Variants in TMEM161B observed in about 807,000 individuals in gnomAD.
TMEM161B encodes the protein transmembrane protein 161B.
TMEM161B carries 34 observed loss-of-function variants against 61.8 expected under a neutral mutation model. The observed-to-expected ratio is 0.55, with a 90% CI of 0.42 to 0.73. TMEM161B has a LOEUF of 0.73. TMEM161B is among the 30% of genes least tolerant of loss of function. TMEM161B has a pLI of 0.00. For synonymous variants in TMEM161B, 167 were observed against 192.8 expected (o/e 0.87, Z 1.11); for missense variants, 456 against 558.5 (o/e 0.82, Z 1.85).
At chr5:88,257,551 C>T (rs1392254724) in intron 1 of TMEM161B, among the ~76,000 whole-genome samples, 1 of 152,178 alleles carries the variant, frequency 6.6e-6, no homozygotes, top group African/African-American at 2.4e-5. Flanking sequence ...AAAGCTCTCC[C>T]TGGGATTCTT....
At position 88,225,794 on chromosome 5, in the gene TMEM161B, CTT is replaced by C; in HGVS notation, c.262_263del (p.Lys88ValfsTer34). On this transcript the variant is annotated frameshift_variant, in exon 4 of 12. Coordinates refer to ENST00000296595, the MANE Select transcript of TMEM161B (RefSeq NM_153354.5). LOFTEE classifies it high-confidence loss of function. The part of the protein sequence containing the change: ...PKDIDLHLET[K>X]SVTEVDTLAL... Reference sequence around the variant, plus strand: ...CTAAAGTATCCACTTCTGTAACTGACTTTGTTTCTAGATGAAGGTCAATATCC... The same window carrying C: ...CTAAAGTATCCACTTCTGTAACTGACTGTTTCTAGATGAAGGTCAATATCC... The C allele has an allele frequency of 6.2e-7, 1 of 1,610,470 alleles. No homozygotes were observed. Among genetic ancestry groups the C allele is most frequent in the South Asian group, 1.1e-5 (1 of 90,722 alleles).
At chr5:88,211,195 C>A (rs1287034785) in intron 5 of TMEM161B, among the ~76,000 whole-genome samples, 1 of 151,058 alleles carries the variant, frequency 6.6e-6, no homozygotes, top group Non-Finnish European at 1.5e-5. Flanking sequence ...AAAGTAACTT[C>A]AAGAAAAAAA....
At chr5:88,225,189 G>T (rs886946434) in intron 4 of TMEM161B, among the ~76,000 whole-genome samples, 11 of 151,974 alleles carry the variant, frequency 7.2e-5, no homozygotes, top group Middle Eastern at 6.8e-3. Flanking sequence ...GGATGGTCTC[G>T]ATCTCCTGAC....
intron 9 of TMEM161B, chr5:88,200,036 G>A (rs1204422694): frequency 1.3e-5 from 2 of 151,364 alleles, no homozygotes; most frequent in Non-Finnish European, 2.9e-5. Context: ...GGGTCTCCCT[G>A]AAATTCTTAA....
intron 2 of TMEM161B, among the ~76,000 whole-genome samples, chr5:88,232,699 G>A (rs1273293264): frequency 2.6e-5 from 4 of 151,932 alleles, no homozygotes; most frequent in East Asian, 3.9e-4. Context: ...TCAGCCTCCC[G>A]AGTACCTAGG....
intron 5 of TMEM161B, among the ~76,000 whole-genome samples, chr5:88,219,954 T>G (rs1486965203): frequency 6.6e-6 from 1 of 151,926 alleles, no homozygotes; most frequent in Non-Finnish European, 1.5e-5. Context: ...TGCTGGAAGT[T>G]TAGAAAACTG....
At chr5:88,216,667 T>A (rs971417299) in intron 5 of TMEM161B, among the ~76,000 whole-genome samples, 2 of 152,244 alleles carry the variant, frequency 1.3e-5, no homozygotes, top group Non-Finnish European at 2.9e-5. Flanking sequence ...TACCTGGTGA[T>A]GAACTGTCAA....
Position 88,227,885 on chromosome 5 carries a change from T to C in TMEM161B, c.191+560A>G, listed in dbSNP as rs144207638. 3.8e-3 allele frequency among the ~76,000 whole-genome samples: 579 copies of C among 152,306 alleles called. 5 individuals are homozygous for C. Among genetic ancestry groups the C allele is most frequent in the Middle Eastern group, 0.02 (6 of 294 alleles). Reference sequence around the variant, plus strand: ...AAAGCTGGAAGGATTATTCAAAACATTGTTTTGTTTACTCTGTCCAAGTCA... The same window carrying C: ...AAAGCTGGAAGGATTATTCAAAACACTGTTTTGTTTACTCTGTCCAAGTCA... On this transcript the variant is annotated intron_variant, in intron 3 of 11. Transcript: ENST00000296595.
rs764129755 is a variant in TMEM161B at position 88,258,320 on chromosome 5, C to T, written c.3+10401G>A. Among the ~76,000 whole-genome samples, 8 of 152,074 alleles carry T rather than the reference C, an allele frequency of 5.3e-5. No homozygotes were observed. The East Asian group carries it at 9.6e-4, about 18-fold the overall frequency. ...TAAGAAAAGACTGCTATATTCGACA[C>T]GCAATATCCTACCCAAACAACTAAA... On this transcript the variant is annotated intron_variant, in intron 1 of 11. Coordinates refer to ENST00000296595, the MANE Select transcript of TMEM161B (RefSeq NM_153354.5).
In TMEM161B at chr5:88,212,289, G is replaced by A. The variant is rs767920372; in HGVS notation, c.447-5109C>T. 4.6e-5 allele frequency among the ~76,000 whole-genome samples: 7 copies of A among 152,118 alleles called. No individual in the cohort carries two copies. In the South Asian group the frequency reaches 8.3e-4, roughly 18 times the overall value. The stretch of plus-strand genomic sequence containing the variant: ...AAATAGTTACCTACCCCACATTCAT[G>A]CTTTAGCAGAAAGCGCCACCAAAAC... On this transcript the variant is annotated intron_variant, in intron 5 of 11. Transcript: ENST00000296595.
At chr5:88,198,029 A>T (rs1749995612) in intron 10 of TMEM161B, 1 of 256,368 alleles carries the variant, frequency 3.9e-6, no homozygotes, top group Non-Finnish European at 7.4e-6. Context: ...TATTGGAGAA[A>T]ATAATGACTA....
intron 9 of TMEM161B, chr5:88,201,963 G>A (rs976450782): frequency 2.4e-5 from 8 of 328,466 alleles, no homozygotes; most frequent in Admixed American, 3.4e-5. Context: ...GGTACACTGC[G>A]GAGTCAATGA....
Position 88,196,146 on chromosome 5 carries a change from C to T in TMEM161B, c.*65G>A, listed in dbSNP as rs1295233694. ...TTGCTTTCTTCTGGTTTTCATCAGC[C>T]CTTTAAGGGCACAGATATTTTAATT... is the stretch of plus-strand genomic sequence containing the variant. On this transcript the variant is annotated 3_prime_UTR_variant, in exon 12 of 12. Transcript: ENST00000296595. 2 of 1,520,918 alleles carry T rather than the reference C, an allele frequency of 1.3e-6. No homozygotes were observed. Among genetic ancestry groups the T allele is most frequent in the African/African-American group, 1.4e-5 (1 of 71,278 alleles). 94.2% of individuals were successfully genotyped at this position (1,520,918 alleles called of 1,614,324 possible).
intron 2 of TMEM161B, among the ~76,000 whole-genome samples, chr5:88,230,826 T>G (rs1431501733): frequency 6.6e-6 from 1 of 152,144 alleles, no homozygotes; most frequent in Non-Finnish European, 1.5e-5. Flanking sequence ...AGAAGTATCT[T>G]TGTTATGCTA....
At chr5:88,248,653 G>A (rs1380958958) in intron 1 of TMEM161B, among the ~76,000 whole-genome samples, 1 of 149,334 alleles carries the variant, frequency 6.7e-6, no homozygotes, top group East Asian at 2.0e-4. Flanking sequence ...TATCTCATGT[G>A]GGCATCATGG....
Position 88,199,185 on chromosome 5 carries a change from G to A in TMEM161B, c.915-35C>T, listed in dbSNP as rs774312369. Reference sequence around the variant, plus strand: ...AAAAAGTTGATACGGTGCTCTCAAAGACAACAATATGCTAGCATGCTCGTT... The same window carrying A: ...AAAAAGTTGATACGGTGCTCTCAAAAACAACAATATGCTAGCATGCTCGTT... On this transcript the variant is annotated intron_variant, in intron 9 of 11. Coordinates refer to ENST00000296595, the MANE Select transcript of TMEM161B (RefSeq NM_153354.5). 28 of 1,567,338 alleles carry A rather than the reference G, an allele frequency of 1.8e-5. No individual in the cohort carries two copies. In the African/African-American group the frequency reaches 3.3e-4, roughly 18 times the overall value.
intron 5 of TMEM161B, among the ~76,000 whole-genome samples, chr5:88,216,733 C>T (rs192433326): frequency 2.9e-4 from 44 of 152,306 alleles, no homozygotes; most frequent in Non-Finnish European, 2.5e-4. Context: ...GATGGTGCCA[C>T]AGTCTCCGGT....
chr5:88,225,907 A>G (rs1749982151), intron 3 of TMEM161B, 41 bp from the exon 4 acceptor site: 1 of 1,298,582 alleles, frequency 7.7e-7, no homozygotes, highest in Admixed American at 2.0e-5. Context: ...CAAGTTACCT[A>G]CACTGTTATC....
chr5:88,247,829 C>G (rs183581764), intron 1 of TMEM161B, among the ~76,000 whole-genome samples: 8 of 152,166 alleles, frequency 5.3e-5, no homozygotes, highest in Admixed American at 3.9e-4. Context: ...CTTTTTTCAC[C>G]GGTCTATTTG....
Sources: allele counts gnomAD v4.1 joint callset (sites outside exome capture counted in the v4.1 genomes callset), GRCh38; gene constraint gnomAD v4.1.1; transcripts MANE v1.5; gene names NCBI Gene and HGNC (gene_info 2026-07-23, HGNC 2026-07-21).